Variants in AGBL1 observed in about 807,000 individuals in gnomAD.
AGBL1 encodes the protein cytosolic carboxypeptidase 4.
Under a neutral mutation model 118.9 loss-of-function variants are expected in AGBL1, and 130 were observed. That is an observed-to-expected ratio of 1.09 (90% CI 0.95 to 1.26). AGBL1 has a LOEUF of 1.26. AGBL1 is among the 50% of genes most tolerant of loss of function. The pLI is 0.00. For synonymous variants in AGBL1, 555 were observed against 478.9 expected (o/e 1.16, Z -2.08); for missense variants, 1,584 against 1,298.1 (o/e 1.22, Z -3.38).
At chr15:86,998,488 C>T (rs2081400608) in intron 24 of AGBL1, among the ~76,000 whole-genome samples, 2 of 152,174 alleles carry the variant, frequency 1.3e-5, no homozygotes, top group South Asian at 4.1e-4. Context: ...GAGGCTGCAG[C>T]CCTGGCTGAT....
intron 5 of AGBL1, among the ~76,000 whole-genome samples, chr15:86,207,486 G>A (rs932127395): frequency 5.9e-5 from 9 of 151,970 alleles, no homozygotes; most frequent in South Asian, 4.2e-4. Flanking sequence ...CTTTTATCTC[G>A]TTGAGCAGTG....
chr15:86,143,900 T>C, intron 3 of AGBL1, 55 bp downstream of exon 3: 3 of 1,579,042 alleles, frequency 1.9e-6, no homozygotes, highest in East Asian at 2.3e-5. Context: ...AGGGTTGTTA[T>C]CATGAGTGCA....
At chr15:86,988,215 A>G in intron 24 of AGBL1, 2 of 1,171,398 alleles carry the variant, frequency 1.7e-6, no homozygotes, top group East Asian at 4.9e-5. Flanking sequence ...ACAAAAAAAC[A>G]ACATACCCTT....
chr15:86,918,986 C>G (rs909418256), downstream of AGBL1, among the ~76,000 whole-genome samples: 2 of 152,002 alleles, frequency 1.3e-5, no homozygotes, highest in Non-Finnish European at 2.9e-5. Flanking sequence ...TCATGTGTTC[C>G]CCTGGTGACT....
chr15:86,227,013 T>G (rs908353625), intron 6 of AGBL1, among the ~76,000 whole-genome samples: 8 of 152,232 alleles, frequency 5.3e-5, no homozygotes, highest in South Asian at 2.1e-4. Context: ...CTAAATTTTT[T>G]TTGTTGTTGT....
chr15:86,629,252 A>G (rs1026398598), intron 21 of AGBL1, among the ~76,000 whole-genome samples: 1 of 152,084 alleles, frequency 6.6e-6, no homozygotes, highest in African/African-American at 2.4e-5. Context: ...AGCTTGAGAA[A>G]GTAACAGGAA....
At chr15:86,906,421 A>G (rs1287604749) in intron 22 of AGBL1, among the ~76,000 whole-genome samples, 2 of 151,980 alleles carry the variant, frequency 1.3e-5, no homozygotes, top group Admixed American at 1.3e-4. Context: ...TAAGTGGGAA[A>G]GCACAAACAC....
intron 23 of AGBL1, among the ~76,000 whole-genome samples, chr15:86,927,515 A>ATC (rs1395854357): frequency 6.6e-6 from 1 of 152,156 alleles, no homozygotes; most frequent in Non-Finnish European, 1.5e-5. Context: ...GGAGCCCAGG[A>ATC]GTTCCAGGCT....
At chr15:86,258,236 A>G (rs1468141319) in intron 9 of AGBL1, among the ~76,000 whole-genome samples, 1 of 152,208 alleles carries the variant, frequency 6.6e-6, no homozygotes, top group African/African-American at 2.4e-5. Flanking sequence ...GTCCGGTACA[A>G]TGTCTCATTA....
At chr15:86,950,745 A>G (rs908195999) in intron 23 of AGBL1, among the ~76,000 whole-genome samples, 2 of 152,192 alleles carry the variant, frequency 1.3e-5, no homozygotes, top group Middle Eastern at 3.4e-3. Context: ...AGCTAATCCA[A>G]TTAAAATTGG....
intron 18 of AGBL1, among the ~76,000 whole-genome samples, chr15:86,457,994 G>T (rs2082281507): frequency 6.6e-6 from 1 of 152,088 alleles, no homozygotes; most frequent in South Asian, 2.1e-4. Flanking sequence ...GAATAAAAGT[G>T]AAGACAATGC....
At chr15:86,320,135 C>G (rs2080082182) in intron 17 of AGBL1, among the ~76,000 whole-genome samples, 1 of 151,952 alleles carries the variant, frequency 6.6e-6, no homozygotes, top group Non-Finnish European at 1.5e-5. Context: ...ACTTTTAAAA[C>G]AAAAATATAA....
chr15:86,450,761 C>T (rs2082183266), intron 18 of AGBL1, among the ~76,000 whole-genome samples: 1 of 152,142 alleles, frequency 6.6e-6, no homozygotes, highest in Non-Finnish European at 1.5e-5. Context: ...ACCCATATCA[C>T]ATGTTTGTGG....
At position 86,495,175 on chromosome 15, in the gene AGBL1, T is replaced by G. The variant is rs2082833268; in HGVS notation, c.2556-27635T>G. Among the ~76,000 whole-genome samples, 3 of 151,902 alleles carry G rather than the reference T, an allele frequency of 2.0e-5. No homozygotes were observed. In the South Asian group the frequency reaches 6.2e-4, roughly 31 times the overall value. On this transcript the variant is annotated intron_variant, in intron 18 of 22. Coordinates refer to ENST00000614907, the MANE Select transcript of AGBL1 (RefSeq NM_001386094.1). ...CTGTTTCTGCTTTTGTATTTTTTCT[T>G]TGATGTCTTTGGTTAACTTTTAATG... is the stretch of plus-strand genomic sequence containing the variant.
intron 5 of AGBL1, among the ~76,000 whole-genome samples, chr15:86,176,989 C>T (rs543250190): frequency 9.2e-5 from 14 of 152,220 alleles, no homozygotes; most frequent in Non-Finnish European, 2.9e-5. Context: ...TCCTTCCATG[C>T]CTCAGAGATT....
chr15:86,709,286 C>A (rs1170545111), intron 22 of AGBL1, among the ~76,000 whole-genome samples: 1 of 151,912 alleles, frequency 6.6e-6, no homozygotes, highest in African/African-American at 2.4e-5. Flanking sequence ...CAATTTATTT[C>A]TTTTTTGCTA....
intron 21 of AGBL1, among the ~76,000 whole-genome samples, chr15:86,619,170 G>A (rs1241007049): frequency 2.6e-5 from 4 of 151,994 alleles, no homozygotes; most frequent in African/African-American, 4.8e-5. Flanking sequence ...TACTAGGCCC[G>A]AGAGATACTT....
intron 23 of AGBL1, chr15:86,938,914 C>A (rs1161425669): frequency 6.6e-6 from 1 of 152,244 alleles, no homozygotes; most frequent in Admixed American, 6.5e-5. Context: ...TCCTTCAGGA[C>A]CTTGCAGCAT....
At chr15:87,018,797 A>T (rs1346684793) in intron 24 of AGBL1, among the ~76,000 whole-genome samples, 1 of 152,112 alleles carries the variant, frequency 6.6e-6, no homozygotes, top group Non-Finnish European at 1.5e-5. Context: ...GTTAATAGGC[A>T]AAATGCCCCA....
Sources: allele counts gnomAD v4.1 joint callset (sites outside exome capture counted in the v4.1 genomes callset), GRCh38; gene constraint gnomAD v4.1.1; transcripts MANE v1.5; gene names NCBI Gene and HGNC (gene_info 2026-07-23, HGNC 2026-07-21).